Variants in PLXNA2 observed in about 807,000 individuals in gnomAD.
PLXNA2 encodes plexin A2, also known as plexin-A2.
In PLXNA2, 91 loss-of-function variants were observed where a neutral mutation model predicts 193.5. The ratio of observed to expected loss-of-function variants is 0.47; its 90% CI spans 0.40 to 0.56. The LOEUF is 0.56. Ranked by LOEUF, PLXNA2 falls within the 20% of genes least tolerant of loss-of-function variation. The probability of loss-of-function intolerance (pLI) is 0.00; values close to 1 mark genes in which losing one functional copy is unlikely to be tolerated. For missense variants in PLXNA2, 1,995 were observed against 2,503.2 expected, an observed-to-expected ratio of 0.80 and a Z score of 4.33; for synonymous variants, 997 against 1,027.3, an observed-to-expected ratio of 0.97 and a Z score of 0.56.
In PLXNA2 at chr1:208,027,049, G is replaced by T. The variant is rs1664362459; in HGVS notation, c.*194C>A. ...TCACTGAGGATGGACGACGCCCACT[G>T]TCTCTCCCAGCTGGAACTGGCTATG... On this transcript the variant is annotated 3_prime_UTR_variant, in exon 32 of 32. Coordinates refer to ENST00000367033, the MANE Select transcript of PLXNA2 (RefSeq NM_025179.4). The T allele has an allele frequency of 2.1e-5, 11 of 532,470 alleles. No individual in the cohort carries two copies. In the South Asian group the frequency reaches 2.7e-4, roughly 13 times the overall value. The allele number at this position is 532,470 out of a possible 1,614,324, so 33.0% of individuals were successfully genotyped here. A position where few individuals can be genotyped will look rare whatever the true frequency, so the allele number is the denominator to read the frequency against.
At chr1:208,143,983 C>G (rs1037679596) in intron 3 of PLXNA2, among the ~76,000 whole-genome samples, 1 of 152,204 alleles carries the variant, frequency 6.6e-6, no homozygotes, top group Non-Finnish European at 1.5e-5. Context: ...GTTGAAAGAG[C>G]GTGAACTGTG....
intron 22 of PLXNA2, 112 bp from the exon 23 acceptor site, chr1:208,040,170 G>T: frequency 1.2e-6 from 1 of 839,160 alleles, no homozygotes; most frequent in Non-Finnish European, 2.0e-6. Flanking sequence ...GGAGAACGCA[G>T]GGCGGGAGTC....
chr1:208,215,062 G>C (rs1276260957), intron 2 of PLXNA2, among the ~76,000 whole-genome samples: 4 of 151,902 alleles, frequency 2.6e-5, no homozygotes, highest in Non-Finnish European at 5.9e-5. Flanking sequence ...ACCCAGGCTG[G>C]AGTATAGTAG....
At chr1:208,107,655 C>T (rs1013561340) in intron 4 of PLXNA2, among the ~76,000 whole-genome samples, 2 of 152,162 alleles carry the variant, frequency 1.3e-5, no homozygotes, top group African/African-American at 4.8e-5. Context: ...GTCGGGCGCC[C>T]TCTGTCAGGG....
chr1:208,152,612 C>A (rs957730808), intron 3 of PLXNA2, among the ~76,000 whole-genome samples: 1 of 151,506 alleles, frequency 6.6e-6, no homozygotes, highest in Admixed American at 6.6e-5. Context: ...GATGAACATA[C>A]ACTACTTTTG....
intron 5 of PLXNA2, among the ~76,000 whole-genome samples, chr1:208,099,716 G>A (rs1017851231): frequency 5.9e-5 from 9 of 151,970 alleles, no homozygotes; most frequent in East Asian, 3.9e-4. Flanking sequence ...GATTACAGGC[G>A]CCCACCACCG....
rs529097652 is a variant in PLXNA2, at chr1:208,038,787, C to G, written c.4660+38G>C. 6.2e-7 allele frequency: 1 copy of G among 1,601,220 alleles called. No homozygotes were observed. Among genetic ancestry groups the G allele is most frequent in the African/African-American group, 1.3e-5 (1 of 74,940 alleles). ...TGGCAGCTTCCCTTCCTTCACCTCT[C>G]AACCCCTGCCCTCACACTCTGAGTC... On this transcript the variant is annotated intron_variant, in intron 25 of 31. Transcript: ENST00000367033. The surrounding 1 kb of genome is among the most constrained non-coding windows in gnomAD (Gnocchi z 4.1).
At chr1:208,146,132 T>C (rs1284565581) in intron 3 of PLXNA2, among the ~76,000 whole-genome samples, 1 of 152,184 alleles carries the variant, frequency 6.6e-6, no homozygotes. Flanking sequence ...GCAGAGGTCT[T>C]TCCCCTCCCT....
chr1:208,128,837 G>C (rs1463132984), intron 4 of PLXNA2, among the ~76,000 whole-genome samples: 1 of 151,786 alleles, frequency 6.6e-6, no homozygotes, highest in East Asian at 1.9e-4. Flanking sequence ...GAGTAGCTGG[G>C]ACTACAGGTG....
At chr1:208,113,238 A>G (rs1250118016) in intron 4 of PLXNA2, among the ~76,000 whole-genome samples, 1 of 152,068 alleles carries the variant, frequency 6.6e-6, no homozygotes, top group African/African-American at 2.4e-5. Context: ...CTACCCCAGG[A>G]GGGGGAAAGG....
intron 29 of PLXNA2, chr1:208,030,769 C>G: frequency 1.0e-6 from 1 of 985,178 alleles, no homozygotes; most frequent in Middle Eastern, 5.2e-4. Flanking sequence ...ATGCCTGGAC[C>G]TCCCCTCTCC....
At chr1:208,170,909 CAG>C (rs1320071311) in intron 3 of PLXNA2, among the ~76,000 whole-genome samples, 6 of 152,160 alleles carry the variant, frequency 3.9e-5, no homozygotes, top group Non-Finnish European at 8.8e-5. Flanking sequence ...GAGAGCAAGA[CAG>C]AGGAAGAAAA....
At chr1:208,185,258 A>G (rs576186379) in intron 3 of PLXNA2, among the ~76,000 whole-genome samples, 1 of 152,340 alleles carries the variant, frequency 6.6e-6, no homozygotes, top group East Asian at 1.9e-4. Context: ...TTAAGGCCAC[A>G]GATCCAGGTA....
rs1280328821 is a variant in PLXNA2 at position 208,060,760 on chromosome 1, G to A, written c.2664C>T (p.Ser888=). ...CCACCTGCACATGGTGGGCGATCTC[G>A]GAGAAGTCCAGACCCAGGTTCACGC... ...IHGVNLGLDF[S]EIAHHVQVAG... Residue 888 remains serine, a synonymous_variant, in exon 13 of 32, where the codon TCC becomes TCT. Coordinates refer to ENST00000367033, the MANE Select transcript of PLXNA2 (RefSeq NM_025179.4). 4.8e-5 allele frequency: 77 copies of A among 1,613,956 alleles called. No individual in the cohort carries two copies. The highest frequency in any genetic ancestry group is 2.1e-4 in the South Asian group (19 of 91,084).
chr1:208,168,513 G>A (rs919113536), intron 3 of PLXNA2, among the ~76,000 whole-genome samples: 12 of 152,004 alleles, frequency 7.9e-5, no homozygotes, highest in African/African-American at 2.9e-4. Flanking sequence ...GTATAATAAT[G>A]CCATGAGGGG....
chr1:208,141,759 C>A (rs962783705), intron 4 of PLXNA2, among the ~76,000 whole-genome samples: 2 of 152,204 alleles, frequency 1.3e-5, no homozygotes, highest in Admixed American at 6.5e-5. Context: ...TCCATCCATC[C>A]CAGAGGGTGG....
chr1:208,147,233 G>A (rs1668629640), intron 3 of PLXNA2, among the ~76,000 whole-genome samples: 1 of 151,984 alleles, frequency 6.6e-6, no homozygotes, highest in African/African-American at 2.4e-5. Flanking sequence ...ATGTTGCCCA[G>A]GCTGGTCTCA....
intron 12 of PLXNA2, among the ~76,000 whole-genome samples, chr1:208,073,550 G>A (rs886163715): frequency 1.3e-5 from 2 of 152,174 alleles, no homozygotes; most frequent in Non-Finnish European, 2.9e-5. Flanking sequence ...CATTTAATGA[G>A]TGAATTAACA....
chr1:208,060,686 T>C lies in PLXNA2; in HGVS notation c.2738A>G (p.Gln913Arg). 6.2e-7 allele frequency: 1 copy of C among 1,611,840 alleles called. No homozygotes were observed. ...AAAGGGCTGGCCAGGGCGGACTCAC[T>C]GCTCAGCGATGATGTATTCCCCTGG... ...PLPGEYIIAEQIVCEMGHALV... is the reference protein window; with the variant it reads ...PLPGEYIIAERIVCEMGHALV... The change falls in exon 13 of 32, where the codon CAG (glutamine) becomes CGG (arginine). Residue 913 changes from glutamine (Q) to arginine (R), a missense_variant and splice_region_variant. By Grantham distance (43) the Gln-to-Arg change is conservative. Around this residue, in one of 3 missense-constraint regions of PLXNA2, gnomAD observed 1,291 missense variants for 1,673.6 expected, o/e 0.77. Coordinates refer to ENST00000367033, the MANE Select transcript of PLXNA2 (RefSeq NM_025179.4).
Sources: allele counts gnomAD v4.1 joint callset (sites outside exome capture counted in the v4.1 genomes callset), GRCh38; gene constraint gnomAD v4.1.1; regional missense constraint gnomAD v4.1.1; non-coding constraint Gnocchi (gnomAD v3.1); transcripts MANE v1.5; gene names NCBI Gene and HGNC (gene_info 2026-07-23, HGNC 2026-07-21).